Variants in GRIA1 observed in about 807,000 individuals in gnomAD.
The protein encoded by GRIA1 is glutamate ionotropic receptor AMPA type subunit 1, also known as glutamate receptor 1.
A neutral mutation model predicts 99.2 loss-of-function variants in GRIA1; 31 were observed. The ratio of observed to expected loss-of-function variants is 0.31; its 90% CI spans 0.23 to 0.42. The LOEUF (loss-of-function observed/expected upper bound fraction) is 0.42, where lower values mean the gene tolerates loss of function less well. Ranked by LOEUF, GRIA1 falls within the 10% of genes least tolerant of loss-of-function variation. The probability of loss-of-function intolerance (pLI) is 1.00; values close to 1 mark genes in which losing one functional copy is unlikely to be tolerated. For missense variants in GRIA1, 782 were observed against 1,157.5 expected, an observed-to-expected ratio of 0.68 and a Z score of 4.71; for synonymous variants, 438 against 432.4, an observed-to-expected ratio of 1.01 and a Z score of -0.16.
chr5:153,545,576 G>A (rs77709766), intron 2 of GRIA1, among the ~76,000 whole-genome samples: 2,015 of 152,152 alleles, frequency 0.013, 50 homozygotes, highest in African/African-American at 0.046. Context: ...CTTGGGTCCC[G>A]GGTTAGTTCA....
Position 153,688,759 on chromosome 5 carries a change from G to A in GRIA1, c.1134+2430G>A, listed in dbSNP as rs187546364. Among the ~76,000 whole-genome samples, 866 of 149,988 alleles carry A rather than the reference G, an allele frequency of 5.8e-3. 13 individuals are homozygous for A. The highest frequency in any genetic ancestry group is 0.021 in the African/African-American group (835 of 40,488). On this transcript the variant is annotated intron_variant, in intron 8 of 15. Transcript: ENST00000285900. ...TTTGGAGACAGAGCCTTGCTCTGTC[G>A]CTCAGACTGGAGTGCAATGGCATGG...
At chr5:153,499,691 G>A (rs528923897) in intron 2 of GRIA1, among the ~76,000 whole-genome samples, 2 of 149,298 alleles carry the variant, frequency 1.3e-5, no homozygotes, top group Non-Finnish European at 3.0e-5. Flanking sequence ...ATAGCCCAAC[G>A]GTAGAAGTGT....
chr5:153,498,768 C>G (rs1754684025), intron 2 of GRIA1, among the ~76,000 whole-genome samples: 1 of 152,110 alleles, frequency 6.6e-6, no homozygotes, highest in Non-Finnish European at 1.5e-5. Flanking sequence ...CAACCCTAGG[C>G]CCACATTCCT....
At chr5:153,733,346 T>G (rs1581562077) in intron 11 of GRIA1, among the ~76,000 whole-genome samples, 1 of 152,082 alleles carries the variant, frequency 6.6e-6, no homozygotes, top group Non-Finnish European at 1.5e-5. Context: ...ACGTAAGATG[T>G]TTTATGTATG....
intron 1 of GRIA1, among the ~76,000 whole-genome samples, chr5:153,491,605 C>G (rs953265240): frequency 6.6e-6 from 1 of 152,084 alleles, no homozygotes; most frequent in Non-Finnish European, 1.5e-5. Flanking sequence ...TCTCCACTCC[C>G]CCGATCCTGG....
intron 3 of GRIA1, among the ~76,000 whole-genome samples, chr5:153,649,764 C>CCAGGA (rs1477296902): frequency 1.3e-5 from 2 of 152,018 alleles, no homozygotes; most frequent in African/African-American, 4.8e-5. Flanking sequence ...GCCTGGCCTG[C>CCAGGA]CAGGACACAT....
chr5:153,641,269 G>C (rs1048362022), intron 2 of GRIA1, among the ~76,000 whole-genome samples: 2 of 152,124 alleles, frequency 1.3e-5, no homozygotes, highest in South Asian at 4.2e-4. Context: ...GTCGGTGTGA[G>C]AGGCCTTAAA....
intron 2 of GRIA1, among the ~76,000 whole-genome samples, chr5:153,510,829 C>A (rs1233701621): frequency 6.6e-6 from 1 of 152,124 alleles, no homozygotes; most frequent in African/African-American, 2.4e-5. Context: ...ACACAATGAA[C>A]TCTACAGGGT....
chr5:153,597,926 T>A (rs1398432083), intron 2 of GRIA1, among the ~76,000 whole-genome samples: 2 of 152,028 alleles, frequency 1.3e-5, no homozygotes, highest in African/African-American at 2.4e-5. Context: ...TTGGGAGGAT[T>A]GCTTGAGCCT....
intron 2 of GRIA1, among the ~76,000 whole-genome samples, chr5:153,602,421 C>T (rs978345337): frequency 6.6e-6 from 1 of 151,704 alleles, no homozygotes; most frequent in African/African-American, 2.4e-5. Flanking sequence ...AGGAGATATA[C>T]CTAATGCTAA....
intron 5 of GRIA1, among the ~76,000 whole-genome samples, chr5:153,657,091 T>C (rs1755014024): frequency 6.6e-6 from 1 of 152,242 alleles, no homozygotes; most frequent in Non-Finnish European, 1.5e-5. Flanking sequence ...CCACATTTTC[T>C]TTATCCATTT....
At chr5:153,489,806 T>A, upstream of GRIA1, 1 of 456,702 alleles carries the variant, frequency 2.2e-6, no homozygotes, top group Non-Finnish European at 4.4e-6. Context: ...CTCACTAGAA[T>A]CCCTGCAAAA....
chr5:153,512,696 C>T (rs750195568), intron 2 of GRIA1, among the ~76,000 whole-genome samples: 5 of 152,300 alleles, frequency 3.3e-5, no homozygotes, highest in South Asian at 2.1e-4. Flanking sequence ...GTGATACCAC[C>T]GTTAGAAAGT....
intron 11 of GRIA1, among the ~76,000 whole-genome samples, chr5:153,735,896 G>T (rs1761345775): frequency 2.0e-5 from 3 of 152,128 alleles, no homozygotes; most frequent in South Asian, 2.1e-4. Context: ...GGAATGGAGA[G>T]AAATCAAAAA....
intron 2 of GRIA1, among the ~76,000 whole-genome samples, chr5:153,559,130 G>T (rs1449478228): frequency 6.6e-6 from 1 of 152,098 alleles, no homozygotes; most frequent in Non-Finnish European, 1.5e-5. Context: ...TTTCCATCAT[G>T]TTTCCTAGAC....
intron 4 of GRIA1, among the ~76,000 whole-genome samples, chr5:153,653,314 C>T (rs893390010): frequency 3.9e-5 from 6 of 152,094 alleles, no homozygotes; most frequent in African/African-American, 1.2e-4. Flanking sequence ...GCCCAGAGGG[C>T]ATGTGAGGGC....
intron 12 of GRIA1, among the ~76,000 whole-genome samples, chr5:153,766,312 T>G (rs1413314537): frequency 6.6e-6 from 1 of 152,160 alleles, no homozygotes; most frequent in Non-Finnish European, 1.5e-5. Flanking sequence ...ATTTTTAGCC[T>G]GCAACAAAAG....
chr5:153,619,727 G>T lies in GRIA1; in HGVS notation c.221-27201G>T, dbSNP rs145635552. The stretch of plus-strand genomic sequence containing the variant: ...AAGAGAGAGAGAGAGAGAAGATGAA[G>T]AAATTAAGAGTGGGAAAATACTACT... On this transcript the variant is annotated intron_variant, in intron 2 of 15. Transcript: ENST00000285900. Among the ~76,000 whole-genome samples the T allele has an allele frequency of 2.6e-5, 4 of 152,174 alleles. No homozygotes were observed. In the East Asian group the frequency reaches 7.7e-4, roughly 29 times the overall value.
At chr5:153,685,106 G>A (rs944265465) in intron 7 of GRIA1, among the ~76,000 whole-genome samples, 86 of 152,192 alleles carry the variant, frequency 5.7e-4, no homozygotes, top group Non-Finnish European at 2.6e-4. Context: ...ATTTGAAGGA[G>A]GGAAATAAAC....
Sources: allele counts gnomAD v4.1 joint callset (sites outside exome capture counted in the v4.1 genomes callset), GRCh38; gene constraint gnomAD v4.1.1; transcripts MANE v1.5; gene names NCBI Gene and HGNC (gene_info 2026-07-23, HGNC 2026-07-21).